The following CDIN1 variants were observed in gnomAD, a reference collection of about 807,000 sequenced individuals.
CDIN1 encodes the protein CDAN1 interacting nuclease 1.
Under a neutral mutation model 45.3 loss-of-function variants are expected in CDIN1, and 33 were observed. That is an observed-to-expected ratio of 0.73 (90% confidence interval 0.55 to 0.97). The LOEUF (loss-of-function observed/expected upper bound fraction) is 0.97. CDIN1 is among the 50% of genes least tolerant of loss of function. The pLI, the probability that CDIN1 is intolerant of heterozygous loss-of-function variation, is 0.00. For missense variants in CDIN1, 303 were observed against 339.4 expected, an observed-to-expected ratio of 0.89 and a Z score of 0.84; for synonymous variants, 118 against 124.4, an observed-to-expected ratio of 0.95 and a Z score of 0.34.
intron 10 of CDIN1, among the ~76,000 whole-genome samples, chr15:36,756,859 A>G (rs1179350482): frequency 1.3e-5 from 2 of 152,304 alleles, no homozygotes; most frequent in African/African-American, 2.4e-5. Context: ...AATAAGGACA[A>G]TAGGGGCCCT....
Position 36,808,496 on chromosome 15 carries a change from C to G in CDIN1, c.*43C>G. On this transcript the variant is annotated 3_prime_UTR_variant, in exon 11 of 11. Coordinates refer to ENST00000566621, the MANE Select transcript of CDIN1 (RefSeq NM_001321759.2). ...GAGAAGCTGGGAGGAAAAGGTGAAT[C>G]CGGAAGCAATTTTACTTTCCTGCAC... The G allele has an allele frequency of 1.2e-6, 2 of 1,607,764 alleles. No homozygotes were observed. The highest frequency in any genetic ancestry group is 1.7e-6 in the Non-Finnish European group (2 of 1,176,650).
At chr15:36,667,687 G>A (rs1196914799) in intron 5 of CDIN1, among the ~76,000 whole-genome samples, 1 of 152,130 alleles carries the variant, frequency 6.6e-6, no homozygotes, top group East Asian at 1.9e-4. Context: ...ATGAGAAGAC[G>A]CTAATATATT....
At chr15:36,677,324 T>C (rs939566659) in intron 5 of CDIN1, among the ~76,000 whole-genome samples, 19 of 152,022 alleles carry the variant, frequency 1.2e-4, no homozygotes, top group Admixed American at 4.6e-4. Flanking sequence ...TAAGAAAAAA[T>C]AAGAAGTCTT....
At chr15:36,731,240 C>T (rs1226126212) in intron 10 of CDIN1, among the ~76,000 whole-genome samples, 2 of 152,088 alleles carry the variant, frequency 1.3e-5, no homozygotes, top group Non-Finnish European at 2.9e-5. Context: ...ATTTATCACT[C>T]ATATATAGAT....
At chr15:36,775,093 A>G (rs951098586) in intron 10 of CDIN1, among the ~76,000 whole-genome samples, 4 of 152,236 alleles carry the variant, frequency 2.6e-5, no homozygotes, top group Non-Finnish European at 5.9e-5. Context: ...TGTCGCAGAG[A>G]AACCTTACAA....
chr15:36,613,693 G>T, intron 1 of CDIN1: 3 of 1,498,796 alleles, frequency 2.0e-6, no homozygotes, highest in South Asian at 2.3e-5. Context: ...CTACTGCCCT[G>T]CAAAAGCTAG....
chr15:36,692,247 A>G, intron 7 of CDIN1, 72 bp downstream of exon 7: 1 of 1,408,394 alleles, frequency 7.1e-7, no homozygotes, highest in South Asian at 1.2e-5. Flanking sequence ...TCTAGCTTTA[A>G]CCTGACATAA....
At chr15:36,618,782 G>C in intron 1 of CDIN1, 1 of 737,754 alleles carries the variant, frequency 1.4e-6, no homozygotes, top group Non-Finnish European at 2.4e-6. Flanking sequence ...AAAAAAAAAG[G>C]ATCTAATAGA....
At chr15:36,756,227 A>G (rs2053605574) in intron 10 of CDIN1, 2 of 433,582 alleles carry the variant, frequency 4.6e-6, no homozygotes, top group Admixed American at 2.6e-5. Flanking sequence ...ATCTTGTTTT[A>G]AAATATATGG....
chr15:36,745,861 G>T (rs2044404867), intron 10 of CDIN1, among the ~76,000 whole-genome samples: 1 of 152,050 alleles, frequency 6.6e-6, no homozygotes, highest in Non-Finnish European at 1.5e-5. Flanking sequence ...AGCTACTCGG[G>T]AGGCTAAGGC....
intron 5 of CDIN1, among the ~76,000 whole-genome samples, chr15:36,685,120 A>G (rs2041994221): frequency 6.7e-6 from 1 of 149,406 alleles, no homozygotes; most frequent in South Asian, 2.1e-4. Flanking sequence ...GCCTTCTGCT[A>G]GCTTTTGAAT....
At chr15:36,636,349 G>A (rs551873120) in intron 1 of CDIN1, among the ~76,000 whole-genome samples, 2 of 152,084 alleles carry the variant, frequency 1.3e-5, no homozygotes, top group African/African-American at 2.4e-5. Flanking sequence ...TCAGGAGATC[G>A]AGACCATCCT....
intron 10 of CDIN1, among the ~76,000 whole-genome samples, chr15:36,760,633 A>G (rs777074173): frequency 1.1e-4 from 17 of 152,040 alleles, no homozygotes; most frequent in Non-Finnish European, 2.1e-4. Flanking sequence ...TCATTTCCCA[A>G]CTCCATCCCG....
intron 10 of CDIN1, among the ~76,000 whole-genome samples, chr15:36,805,330 G>T (rs1008696981): frequency 6.6e-6 from 1 of 152,144 alleles, no homozygotes; most frequent in African/African-American, 2.4e-5. Flanking sequence ...AGCTGGCAGG[G>T]AGGGCTGCAA....
intron 10 of CDIN1, among the ~76,000 whole-genome samples, chr15:36,787,978 C>T (rs1467694544): frequency 2.0e-5 from 3 of 148,636 alleles, no homozygotes; most frequent in Non-Finnish European, 4.4e-5. Flanking sequence ...GTACAACTCA[C>T]AATTGTGAAA....
intron 10 of CDIN1, among the ~76,000 whole-genome samples, chr15:36,724,414 G>A (rs946545842): frequency 6.6e-6 from 1 of 152,188 alleles, no homozygotes; most frequent in Admixed American, 6.5e-5. Flanking sequence ...GTATTAAGTG[G>A]TTTAGAATAG....
intron 10 of CDIN1, among the ~76,000 whole-genome samples, chr15:36,774,877 T>C (rs1185797942): frequency 6.6e-6 from 1 of 151,686 alleles, no homozygotes; most frequent in Non-Finnish European, 1.5e-5. Context: ...AACTGTCAGC[T>C]TGACAACTTG....
chr15:36,636,076 C>T (rs959134920), intron 1 of CDIN1, among the ~76,000 whole-genome samples: 7 of 151,764 alleles, frequency 4.6e-5, no homozygotes, highest in Non-Finnish European at 8.8e-5. Context: ...ATGAAAGGTA[C>T]GCAGTCACAT....
intron 10 of CDIN1, among the ~76,000 whole-genome samples, chr15:36,736,888 C>T (rs1364904464): frequency 6.6e-5 from 10 of 152,116 alleles, no homozygotes; most frequent in African/African-American, 1.7e-4. Context: ...TCACACTGGC[C>T]GGGCACAGTG....
Sources: allele counts gnomAD v4.1 joint callset (sites outside exome capture counted in the v4.1 genomes callset), GRCh38; gene constraint gnomAD v4.1.1; transcripts MANE v1.5; gene names NCBI Gene and HGNC (gene_info 2026-07-23, HGNC 2026-07-21).